SUCLG2: variants seen among roughly 807,000 people sequenced by gnomAD.
SUCLG2 encodes the protein succinate--CoA ligase [GDP-forming] subunit beta, mitochondrial.
In SUCLG2, 42 loss-of-function variants were observed where a neutral mutation model predicts 47.9. That is an observed-to-expected ratio of 0.88 (90% CI 0.69 to 1.14). The LOEUF is 1.14. Ranked by LOEUF, SUCLG2 falls within the 50% of genes most tolerant of loss-of-function variation. SUCLG2 has a pLI of 0.00. For missense variants in SUCLG2, 571 were observed against 525.9 expected, an observed-to-expected ratio of 1.09 and a Z score of -0.84; for synonymous variants, 195 against 197.3, an observed-to-expected ratio of 0.99 and a Z score of 0.10.
intron 2 of SUCLG2, among the ~76,000 whole-genome samples, chr3:67,581,661 G>T (rs753444509): frequency 6.6e-6 from 1 of 152,156 alleles, no homozygotes; most frequent in Non-Finnish European, 1.5e-5. Flanking sequence ...AAAGACAAAA[G>T]AATGCATGAT....
chr3:67,540,823 C>T (rs560261075), intron 2 of SUCLG2, among the ~76,000 whole-genome samples: 75 of 152,328 alleles, frequency 4.9e-4, no homozygotes, highest in African/African-American at 1.8e-3. Context: ...GGGGGTGCCC[C>T]TCTGGGACAA....
chr3:67,643,462 T>C (rs991993440), intron 1 of SUCLG2, among the ~76,000 whole-genome samples: 9 of 152,218 alleles, frequency 5.9e-5, no homozygotes, highest in South Asian at 4.1e-4. Context: ...AATTAGCCTA[T>C]AGAAAACTGG....
At chr3:67,532,475 G>C (rs565846686) in intron 2 of SUCLG2, among the ~76,000 whole-genome samples, 6 of 152,122 alleles carry the variant, frequency 3.9e-5, no homozygotes, top group Non-Finnish European at 4.4e-5. Context: ...TATATTATTG[G>C]ACTCTGAGTT....
At chr3:67,639,790 G>A (rs77782140) in intron 1 of SUCLG2, among the ~76,000 whole-genome samples, 2,291 of 152,078 alleles carry the variant, frequency 0.015, 65 homozygotes, top group African/African-American at 0.051. Context: ...ATGCCTCCCC[G>A]AAAAGCCACT....
chr3:67,432,604 T>A (rs1244500880), intron 9 of SUCLG2, among the ~76,000 whole-genome samples: 1 of 152,216 alleles, frequency 6.6e-6, no homozygotes, highest in South Asian at 2.1e-4. Context: ...CCTTAGAAGC[T>A]TCATTTAAGA....
chr3:67,396,486 T>C (rs1328912299), intron 10 of SUCLG2, among the ~76,000 whole-genome samples: 2 of 152,086 alleles, frequency 1.3e-5, no homozygotes, highest in African/African-American at 2.4e-5. Context: ...AAGTTGAATC[T>C]CTGAATAGAC....
At chr3:67,397,460 A>C (rs538867841) in intron 10 of SUCLG2, among the ~76,000 whole-genome samples, 68 of 152,330 alleles carry the variant, frequency 4.5e-4, no homozygotes, top group African/African-American at 1.6e-3. Context: ...TCCAACTTAC[A>C]AAGGGCGTGA....
chr3:67,512,029 A>AT (rs1365734162), intron 6 of SUCLG2, among the ~76,000 whole-genome samples: 1 of 150,554 alleles, frequency 6.6e-6, no homozygotes, highest in Non-Finnish European at 1.5e-5. Context: ...TTTTATTTTA[A>AT]TTTTTTCTAG....
At chr3:67,479,057 C>G (rs1704842687) in intron 9 of SUCLG2, among the ~76,000 whole-genome samples, 1 of 152,200 alleles carries the variant, frequency 6.6e-6, no homozygotes. Context: ...GGCCCACTCT[C>G]TAAGACAGAC....
intron 2 of SUCLG2, among the ~76,000 whole-genome samples, chr3:67,584,559 T>C (rs1707962244): frequency 6.6e-6 from 1 of 152,224 alleles, no homozygotes; most frequent in South Asian, 2.1e-4. Context: ...TGTTGTTGAA[T>C]GTATTAATAG....
At chr3:67,398,468 GA>G (rs1369663895) in intron 10 of SUCLG2, among the ~76,000 whole-genome samples, 2 of 151,754 alleles carry the variant, frequency 1.3e-5, no homozygotes, top group African/African-American at 4.8e-5. Flanking sequence ...AAACCACAAT[GA>G]GATACCATCT....
At chr3:67,466,703 G>A (rs780353969) in intron 9 of SUCLG2, among the ~76,000 whole-genome samples, 10 of 152,086 alleles carry the variant, frequency 6.6e-5, no homozygotes, top group East Asian at 5.8e-4. Flanking sequence ...TCTCCCTTTC[G>A]ATCAAGTACT....
chr3:67,550,936 G>T (rs901759010), intron 2 of SUCLG2, among the ~76,000 whole-genome samples: 1 of 152,146 alleles, frequency 6.6e-6, no homozygotes, highest in African/African-American at 2.4e-5. Context: ...GAAATGCATG[G>T]AAAATACTTA....
intron 10 of SUCLG2, among the ~76,000 whole-genome samples, chr3:67,376,830 T>A (rs1461935989): frequency 2.6e-5 from 4 of 152,168 alleles, no homozygotes; most frequent in Non-Finnish European, 5.9e-5. Flanking sequence ...ACCTTAAGGC[T>A]CACCTACTCC....
chr3:67,632,986 T>C (rs1700951829), intron 1 of SUCLG2, among the ~76,000 whole-genome samples: 2 of 152,220 alleles, frequency 1.3e-5, no homozygotes, highest in South Asian at 2.1e-4. Context: ...TTCACAGATT[T>C]AGCTAACATG....
intron 1 of SUCLG2, among the ~76,000 whole-genome samples, chr3:67,637,875 G>A (rs1701035580): frequency 6.6e-6 from 1 of 151,988 alleles, no homozygotes; most frequent in African/African-American, 2.4e-5. Context: ...AATTACAGAG[G>A]GCAAGTTTCC....
chr3:67,516,053 T>C (rs1337831858), intron 6 of SUCLG2, among the ~76,000 whole-genome samples: 1 of 152,114 alleles, frequency 6.6e-6, no homozygotes, highest in South Asian at 2.1e-4. Flanking sequence ...TGTGAGCCCC[T>C]GAGGAACAAT....
At chr3:67,360,547 C>T in exon 11 of SUCLG2, 1 of 1,372,378 alleles carries the variant, frequency 7.3e-7, no homozygotes, top group Non-Finnish European at 9.6e-7. Flanking sequence ...GCAGCTGAAC[C>T]CAAATGTAAA....
At chr3:67,372,206 G>C (rs572210884), downstream of SUCLG2, among the ~76,000 whole-genome samples, 12 of 152,290 alleles carry the variant, frequency 7.9e-5, no homozygotes, top group South Asian at 1.9e-3. Context: ...CTGTCATACA[G>C]AAAGTTTTAC....
Sources: gnomAD v4.1 joint callset for allele counts (sites outside exome capture counted in the v4.1 genomes callset) on GRCh38, gnomAD v4.1.1 for gene constraint, MANE v1.5 for transcripts, NCBI Gene and HGNC (gene_info 2026-07-23, HGNC 2026-07-21) for gene names.